The following NRG2 variants were observed in gnomAD, a reference collection of about 807,000 sequenced individuals.
The protein encoded by NRG2 is neuregulin 2, also known as pro-neuregulin-2, membrane-bound isoform.
In NRG2, 27 loss-of-function variants were observed where a neutral mutation model predicts 73.9. The ratio of observed to expected loss-of-function variants is 0.37; its 90% CI spans 0.27 to 0.50. NRG2 has a LOEUF of 0.50. NRG2 is among the 20% of genes least tolerant of loss of function. NRG2 has a pLI of 0.96. For missense variants in NRG2, 1,126 were observed against 1,210.1 expected, an observed-to-expected ratio of 0.93 and a Z score of 1.03; for synonymous variants, 532 against 541.0, an observed-to-expected ratio of 0.98 and a Z score of 0.23.
Position 139,865,661 on chromosome 5 carries a change from C to T in NRG2, c.1113-36G>A. On this transcript the variant is annotated intron_variant, in intron 4 of 9. Coordinates refer to ENST00000361474, the MANE Select transcript of NRG2 (RefSeq NM_004883.3). The surrounding 1 kb of genome is among the most constrained non-coding windows in gnomAD (Gnocchi z 5.2). ...AAAAGGGGAAAAATCACAGAACAAA[C>T]TGGCATCATCCGCGAGGCTAAGGTT... is the stretch of plus-strand genomic sequence containing the variant. 6.4e-7 allele frequency: 1 copy of T among 1,550,982 alleles called. No individual in the cohort carries two copies.
At chr5:140,041,723 C>G (rs1561773717) in intron 1 of NRG2, among the ~76,000 whole-genome samples, 1 of 150,056 alleles carries the variant, frequency 6.7e-6, no homozygotes. Context: ...GGATGTGCTA[C>G]CTGCTTAGCA....
At chr5:139,929,268 C>A (rs1752284224) in intron 1 of NRG2, among the ~76,000 whole-genome samples, 1 of 152,190 alleles carries the variant, frequency 6.6e-6, no homozygotes, top group South Asian at 2.1e-4. Flanking sequence ...GGCTCCTAGG[C>A]ACCTCATGCC....
rs559461782 is a variant in NRG2 at position 140,029,771 on chromosome 5, T to A, written c.700+12599A>T. Among the ~76,000 whole-genome samples, 13 of 151,794 alleles carry A rather than the reference T, an allele frequency of 8.6e-5. No homozygotes were observed. In the East Asian group the frequency reaches 2.1e-3, roughly 25 times the overall value. ...AATCTTCAAATCAGATTTCATAAAT[T>A]GAGAGGAGAACCAAGGACAACCCCT... On this transcript the variant is annotated intron_variant, in intron 1 of 9. Transcript: ENST00000361474.
intron 1 of NRG2, among the ~76,000 whole-genome samples, chr5:139,914,980 G>A (rs1751141023): frequency 6.6e-6 from 1 of 152,166 alleles, no homozygotes; most frequent in African/African-American, 2.4e-5. Context: ...CCCTCCCAGT[G>A]AGCCTTGGCC....
At chr5:139,889,290 T>C (rs1293742918) in intron 1 of NRG2, among the ~76,000 whole-genome samples, 1 of 152,150 alleles carries the variant, frequency 6.6e-6, no homozygotes, top group African/African-American at 2.4e-5. Context: ...TTTGTTTGTG[T>C]ATATATATAT....
intron 1 of NRG2, among the ~76,000 whole-genome samples, chr5:139,983,312 A>G (rs1399080021): frequency 6.6e-6 from 1 of 152,224 alleles, no homozygotes; most frequent in African/African-American, 2.4e-5. Flanking sequence ...CCAGGGTCAC[A>G]TGAGAAAGGT....
At chr5:139,977,860 A>G (rs1309572120) in intron 1 of NRG2, among the ~76,000 whole-genome samples, 2 of 152,238 alleles carry the variant, frequency 1.3e-5, no homozygotes, top group Admixed American at 6.5e-5. Context: ...TCCCTATTTA[A>G]TAAATGGTGC....
chr5:139,914,644 C>T (rs1307378919), intron 1 of NRG2, among the ~76,000 whole-genome samples: 1 of 152,240 alleles, frequency 6.6e-6, no homozygotes, highest in Non-Finnish European at 1.5e-5. Flanking sequence ...TCATATACCA[C>T]CTGCCCATTA....
At chr5:139,848,771 T>TGGGGG in intron 9 of NRG2, 74 bp from the exon 10 acceptor site, 1 of 54,660 alleles carries the variant, frequency 1.8e-5, no homozygotes. Context: ...GGGGGTGGGG[T>TGGGGG]AGGGTGGGAG....
At chr5:139,861,069 C>T (rs373136458) in intron 5 of NRG2, among the ~76,000 whole-genome samples, 13 of 152,222 alleles carry the variant, frequency 8.5e-5, no homozygotes, top group Non-Finnish European at 1.5e-4. Flanking sequence ...CTAGAGTCTC[C>T]GTTTCATCCC....
At chr5:139,968,786 A>C (rs1310415072) in intron 1 of NRG2, among the ~76,000 whole-genome samples, 1 of 152,224 alleles carries the variant, frequency 6.6e-6, no homozygotes, top group Non-Finnish European at 1.5e-5. Context: ...CATCACCCGC[A>C]CAGGGCAGCA....
chr5:139,993,917 T>A (rs770830211), intron 1 of NRG2, among the ~76,000 whole-genome samples: 12 of 152,238 alleles, frequency 7.9e-5, no homozygotes, highest in Non-Finnish European at 1.5e-4. Flanking sequence ...ACAGCAGTCA[T>A]CACTATTACT....
intron 1 of NRG2, among the ~76,000 whole-genome samples, chr5:139,980,338 C>T (rs1474184588): frequency 1.4e-5 from 2 of 139,838 alleles, no homozygotes; most frequent in East Asian, 4.0e-4. Context: ...ACAGGATGTT[C>T]ACAGCATCAC....
chr5:139,969,729 A>AGCCC (rs1205490535), intron 1 of NRG2, among the ~76,000 whole-genome samples: 1 of 152,212 alleles, frequency 6.6e-6, no homozygotes, highest in Non-Finnish European at 1.5e-5. Flanking sequence ...TGGAGTAGTG[A>AGCCC]GCCCTCTAGC....
intron 1 of NRG2, among the ~76,000 whole-genome samples, chr5:140,001,974 C>T (rs1026532388): frequency 2.0e-5 from 3 of 151,854 alleles, no homozygotes; most frequent in South Asian, 2.1e-4. Context: ...CTTGAGCCCA[C>T]GAGTTTGAGA....
At chr5:139,993,956 T>A (rs1442693504) in intron 1 of NRG2, among the ~76,000 whole-genome samples, 1 of 152,208 alleles carries the variant, frequency 6.6e-6, no homozygotes, top group East Asian at 1.9e-4. Flanking sequence ...CTTGTCTGTC[T>A]TTTCTGTCTT....
At chr5:139,934,110 G>C (rs1042286703) in intron 1 of NRG2, among the ~76,000 whole-genome samples, 4 of 152,120 alleles carry the variant, frequency 2.6e-5, no homozygotes, top group Admixed American at 1.3e-4. Flanking sequence ...GAGGTGGGAG[G>C]ATTGCTTGAG....
At chr5:139,906,011 T>C (rs1421215367) in intron 1 of NRG2, among the ~76,000 whole-genome samples, 4 of 152,104 alleles carry the variant, frequency 2.6e-5, no homozygotes, top group Non-Finnish European at 5.9e-5. Context: ...GCTTTCTTTC[T>C]TTCTTTCTTT....
intron 1 of NRG2, among the ~76,000 whole-genome samples, chr5:139,926,012 C>T (rs538964020): frequency 2.0e-5 from 3 of 152,370 alleles, no homozygotes; most frequent in East Asian, 3.9e-4. Context: ...CTGCCACATG[C>T]ACCCAGTAGA....
Sources: gnomAD v4.1 joint callset for allele counts (sites outside exome capture counted in the v4.1 genomes callset) on GRCh38, gnomAD v4.1.1 for gene constraint, Gnocchi (gnomAD v3.1) non-coding constraint, MANE v1.5 for transcripts, NCBI Gene and HGNC (gene_info 2026-07-23, HGNC 2026-07-21) for gene names.